MYCBP2: variants seen among roughly 807,000 people sequenced by gnomAD.
The protein encoded by MYCBP2 is E3 ubiquitin-protein ligase MYCBP2.
Under a neutral mutation model 525.3 loss-of-function variants are expected in MYCBP2, and 120 were observed. The observed-to-expected ratio is 0.23, with a 90% CI of 0.20 to 0.27. The LOEUF is 0.27. Ranked by LOEUF, MYCBP2 falls within the 10% of genes least tolerant of loss-of-function variation. The pLI is 1.00. For missense variants in MYCBP2, 4,149 were observed against 5,657.1 expected (o/e 0.73, Z 8.55); for synonymous variants, 1,894 against 1,955.8 (o/e 0.97, Z 0.83).
At chr13:77,271,772 T>C (rs1310208188) in intron 5 of MYCBP2, among the ~76,000 whole-genome samples, 1 of 152,218 alleles carries the variant, frequency 6.6e-6, no homozygotes. Context: ...ATTAAACCTC[T>C]TTCTTTTGTA....
Position 77,205,601 on chromosome 13 carries a change from A to G in MYCBP2, c.3590-3T>C, listed in dbSNP as rs753978457. 1 of 1,604,948 alleles carries G rather than the reference A, an allele frequency of 6.2e-7. No individual in the cohort carries two copies. Among genetic ancestry groups the G allele is most frequent in the Admixed American group, 1.7e-5 (1 of 57,546 alleles). On this transcript the variant is annotated splice_region_variant and splice_polypyrimidine_tract_variant and intron_variant, in intron 24 of 82. Coordinates refer to ENST00000544440, the MANE Select transcript of MYCBP2 (RefSeq NM_015057.5). Reference sequence around the variant, plus strand: ...AGCTGCCAAGGTATCAAGACAACCTAAAACAACAAAGAAACAAAATTTAAC... The same window carrying G: ...AGCTGCCAAGGTATCAAGACAACCTGAAACAACAAAGAAACAAAATTTAAC...
intron 62 of MYCBP2, among the ~76,000 whole-genome samples, chr13:77,085,296 G>A (rs1407021205): frequency 6.6e-6 from 1 of 151,844 alleles, no homozygotes; most frequent in Non-Finnish European, 1.5e-5. Context: ...AAAGACTGAG[G>A]ACATGGTGGG....
At chr13:77,119,455 A>G (rs1158143260) in intron 55 of MYCBP2, among the ~76,000 whole-genome samples, 2 of 152,134 alleles carry the variant, frequency 1.3e-5, no homozygotes, top group African/African-American at 2.4e-5. Context: ...CACGAGCCAT[A>G]TATCTTTTTT....
chr13:77,133,581 G>A (rs2053264234), intron 52 of MYCBP2, among the ~76,000 whole-genome samples: 2 of 152,042 alleles, frequency 1.3e-5, no homozygotes, highest in South Asian at 4.1e-4. Flanking sequence ...AAATATTATG[G>A]GTAGCTGGAG....
In MYCBP2 at chr13:77,125,381, A is replaced by G; in HGVS notation, c.7972T>C (p.Leu2658=). Residue 2658 remains leucine (L), a synonymous_variant, in exon 54 of 83, where the codon TTA becomes CTA. Transcript: ENST00000544440. ...TGGTTTCCGCCTCTGTCTCTAGCTA[A>G]GGACCATGCCTCTCCTTCATCACTC... ...CESDEGEAWS[L]ARDRGGNQYL... is the part of the protein sequence containing the mutation. 6.2e-7 allele frequency: 1 copy of G among 1,613,996 alleles called. No homozygotes were observed. Among genetic ancestry groups the G allele is most frequent in the Non-Finnish European group, 8.5e-7 (1 of 1,179,878 alleles).
At chr13:77,168,372 T>C in intron 40 of MYCBP2, 56 bp downstream of exon 40, 3 of 1,441,044 alleles carry the variant, frequency 2.1e-6, no homozygotes, top group Non-Finnish European at 2.9e-6. Flanking sequence ...TAAGATATCA[T>C]CAGAGAACCT....
chr13:77,288,471 T>G, intron 2 of MYCBP2, 95 bp from the exon 3 acceptor site: 1 of 1,048,008 alleles, frequency 9.5e-7, no homozygotes, highest in Non-Finnish European at 1.4e-6. Context: ...CTAACTGACT[T>G]GCAGAAGACA....
intron 55 of MYCBP2, chr13:77,118,279 A>G: frequency 1.5e-6 from 1 of 665,358 alleles, no homozygotes; most frequent in East Asian, 2.6e-5. Flanking sequence ...AGTAACTGAT[A>G]AGCAACTCAG....
chr13:77,146,168 G>C lies in MYCBP2; in HGVS notation c.7181C>G (p.Pro2394Arg). The change falls in exon 48 of 83, where the codon CCT becomes CGT. Residue 2394 changes from proline (P) to arginine (R), a missense_variant. Physicochemically the swap from Pro to Arg is moderately radical, Grantham distance 103. Around this residue, in one of 21 missense-constraint regions of MYCBP2, gnomAD observed 692 missense variants for 852.7 expected, o/e 0.81. Transcript: ENST00000544440. Reference protein sequence around the residue: ...FEELRFASPTPKRPSENMLIR... With the variant: ...FEELRFASPTRKRPSENMLIR... ...TTGAGAAAACGATCCTTACCTCTTA[G>C]GAGTTGGTGATGCAAAACGTAGTTC... is the stretch of plus-strand genomic sequence containing the variant. 6.3e-7 allele frequency: 1 copy of C among 1,590,284 alleles called. No individual in the cohort carries two copies. The highest frequency in any genetic ancestry group is 8.6e-7 in the Non-Finnish European group (1 of 1,169,084).
At chr13:77,103,862 T>G (rs1263074406) in intron 55 of MYCBP2, among the ~76,000 whole-genome samples, 3 of 152,074 alleles carry the variant, frequency 2.0e-5, no homozygotes, top group Non-Finnish European at 4.4e-5. Context: ...CTAACCCCAG[T>G]ATTTAGTGTT....
In MYCBP2 at chr13:77,098,647, C is replaced by T; in HGVS notation, c.8507G>A (p.Gly2836Asp). Residue 2836 changes from glycine to aspartate, a missense_variant, in exon 56 of 83, where the codon GGT (glycine) becomes GAT (aspartate). Physicochemically the swap from Gly to Asp is moderately conservative, Grantham distance 94. This residue lies in a region of MYCBP2 where 653 missense variants were observed against 744.7 expected (regional missense o/e 0.88). Transcript: ENST00000544440. The stretch of plus-strand genomic sequence containing the variant: ...TGAGGAGGAGCGTGGAGAACTAGCA[C>T]CCGATGGGCTAGACCTATTGGCTGG... ...TLPANRSSPS[G>D]ASSPRSSSPH... 1.2e-6 allele frequency: 2 copies of T among 1,613,420 alleles called. No homozygotes were observed. Among genetic ancestry groups the T allele is most frequent in the Non-Finnish European group, 8.5e-7 (1 of 1,179,710 alleles).
intron 42 of MYCBP2, 142 bp from the exon 43 acceptor site, chr13:77,164,683 G>C (rs1456016292): frequency 4.6e-6 from 3 of 655,622 alleles, no homozygotes; most frequent in Non-Finnish European, 8.3e-6. Flanking sequence ...GAGAGTAGAT[G>C]AGATTCAGTA....
At chr13:77,314,106 A>G (rs536639487) in intron 1 of MYCBP2, among the ~76,000 whole-genome samples, 1 of 152,324 alleles carries the variant, frequency 6.6e-6, no homozygotes, top group South Asian at 2.1e-4. Context: ...GATTTCCTAC[A>G]AAAACTAAAC....
chr13:77,176,943 T>C (rs938346891), intron 35 of MYCBP2, among the ~76,000 whole-genome samples: 1 of 152,110 alleles, frequency 6.6e-6, no homozygotes, highest in Admixed American at 6.5e-5. Context: ...AAGTTAGAGA[T>C]AGAGATAGAC....
rs367989717 is a variant in MYCBP2, at chr13:77,051,953, A to G, written c.13648-35T>C. ...AAACACATCTAGATTACAGCAGGAA[A>G]AAAGAAAACTCTGGCATGGGAGATA... On this transcript the variant is annotated intron_variant, in intron 80 of 82. Transcript: ENST00000544440. The G allele has an allele frequency of 4.5e-6, 7 of 1,541,000 alleles. No homozygotes were observed. In the African/African-American group the frequency reaches 9.6e-5, roughly 21 times the overall value.
intron 36 of MYCBP2, among the ~76,000 whole-genome samples, chr13:77,174,943 T>TAATA (rs1308654233): frequency 0.022 from 398 of 18,158 alleles, 17 homozygotes; most frequent in African/African-American, 0.047. Context: ...TATATATATA[T>TAATA]TTTATATATT....
At chr13:77,126,027 G>C (rs2051595070) in intron 53 of MYCBP2, among the ~76,000 whole-genome samples, 1 of 152,158 alleles carries the variant, frequency 6.6e-6, no homozygotes, top group Non-Finnish European at 1.5e-5. Context: ...TTTAAGTGAT[G>C]ATAATCCATG....
chr13:77,052,510 G>A (rs2487755), intron 80 of MYCBP2, among the ~76,000 whole-genome samples: 4,459 of 152,264 alleles, frequency 0.029, 136 homozygotes, highest in African/African-American at 0.079. Flanking sequence ...AAGCTATTTC[G>A]ACTCTCAAAT....
chr13:77,105,149 C>T (rs1453897534), intron 55 of MYCBP2, among the ~76,000 whole-genome samples: 1 of 152,010 alleles, frequency 6.6e-6, no homozygotes, highest in Non-Finnish European at 1.5e-5. Flanking sequence ...CCTGGCCTGG[C>T]TGCTAAAAAT....
Sources: gnomAD v4.1 joint callset for allele counts (sites outside exome capture counted in the v4.1 genomes callset) on GRCh38, gnomAD v4.1.1 for gene constraint, gnomAD v4.1.1 regional missense constraint, MANE v1.5 for transcripts, NCBI Gene and HGNC (gene_info 2026-07-23, HGNC 2026-07-21) for gene names.